KIF16B: variants seen among roughly 807,000 people sequenced by gnomAD.
KIF16B encodes kinesin-like protein KIF16B.
KIF16B carries 98 observed loss-of-function variants against 156.3 expected under a neutral mutation model. The observed-to-expected ratio is 0.63, with a 90% CI of 0.53 to 0.74. The LOEUF is 0.74. Among genes scored for constraint, KIF16B ranks in the 30% least tolerant of loss-of-function variants. KIF16B has a pLI of 0.00. For synonymous variants in KIF16B, 564 were observed against 583.7 expected, an observed-to-expected ratio of 0.97 and a Z score of 0.49; for missense variants, 1,421 against 1,606.5, an observed-to-expected ratio of 0.88 and a Z score of 1.97.
chr20:16,444,347 A>G (rs1340110303), intron 12 of KIF16B, among the ~76,000 whole-genome samples: 1 of 152,014 alleles, frequency 6.6e-6, no homozygotes, highest in Admixed American at 6.6e-5. Flanking sequence ...GAATGCTAAG[A>G]GTGATTTTTA....
chr20:16,315,005 G>T (rs911074931), intron 24 of KIF16B, among the ~76,000 whole-genome samples: 14 of 152,118 alleles, frequency 9.2e-5, no homozygotes, highest in African/African-American at 3.4e-4. Context: ...TTTCACAGTT[G>T]GTTGTTTTGT....
chr20:16,456,117 C>T (rs999833745), intron 12 of KIF16B, among the ~76,000 whole-genome samples: 4 of 151,184 alleles, frequency 2.6e-5, no homozygotes, highest in African/African-American at 9.8e-5. Context: ...CAATACAATA[C>T]AATACAATAC....
intron 25 of KIF16B, among the ~76,000 whole-genome samples, chr20:16,294,928 CTTTGT>C (rs1392145948): frequency 6.6e-6 from 1 of 152,160 alleles, no homozygotes; most frequent in Admixed American, 6.5e-5. Flanking sequence ...GCCTCAGCTG[CTTTGT>C]TTCCACCTGG....
At chr20:16,388,429 CTTTAT>C (rs1306498048) in intron 17 of KIF16B, among the ~76,000 whole-genome samples, 1 of 152,110 alleles carries the variant, frequency 6.6e-6, no homozygotes, top group Non-Finnish European at 1.5e-5. Context: ...TTGAAGGTGG[CTTTAT>C]TTTAAATATG....
intron 22 of KIF16B, among the ~76,000 whole-genome samples, chr20:16,360,547 A>C (rs896544182): frequency 5.3e-5 from 8 of 152,190 alleles, no homozygotes; most frequent in Admixed American, 5.2e-4. Flanking sequence ...GAAATAGTAT[A>C]AGCAATTTTA....
chr20:16,496,664 G>A (rs1464357615), intron 11 of KIF16B, among the ~76,000 whole-genome samples: 1 of 152,104 alleles, frequency 6.6e-6, no homozygotes, highest in Non-Finnish European at 1.5e-5. Flanking sequence ...TGGTATTCAT[G>A]AAAACTATTG....
At chr20:16,354,425 C>T (rs887828724) in intron 23 of KIF16B, among the ~76,000 whole-genome samples, 21 of 150,536 alleles carry the variant, frequency 1.4e-4, no homozygotes, top group South Asian at 4.2e-4. Flanking sequence ...ACACAACTTC[C>T]GAAATTGTTT....
chr20:16,501,665 AG>A (rs2068630323), intron 10 of KIF16B, among the ~76,000 whole-genome samples: 1 of 152,206 alleles, frequency 6.6e-6, no homozygotes, highest in South Asian at 2.1e-4. Context: ...CTTTGCAGTG[AG>A]GATAAATGGA....
At chr20:16,474,586 A>C (rs1193643505) in intron 12 of KIF16B, among the ~76,000 whole-genome samples, 1 of 152,212 alleles carries the variant, frequency 6.6e-6, no homozygotes, top group African/African-American at 2.4e-5. Flanking sequence ...TATAAATAGA[A>C]GTTGCTGAGC....
chr20:16,415,359 A>G (rs1280124743), intron 15 of KIF16B, among the ~76,000 whole-genome samples: 1 of 152,140 alleles, frequency 6.6e-6, no homozygotes, highest in Non-Finnish European at 1.5e-5. Flanking sequence ...CACAGTGTCA[A>G]TATCCTATTG....
intron 24 of KIF16B, among the ~76,000 whole-genome samples, chr20:16,330,373 G>A (rs2063926655): frequency 2.0e-5 from 3 of 152,172 alleles, no homozygotes; most frequent in Admixed American, 2.0e-4. Flanking sequence ...TGATGGTTAA[G>A]GAATTCTTAA....
chr20:16,402,740 A>G (rs1301332445), intron 17 of KIF16B, among the ~76,000 whole-genome samples: 3 of 151,480 alleles, frequency 2.0e-5, no homozygotes, highest in Non-Finnish European at 2.9e-5. Flanking sequence ...TCCAGAGATG[A>G]GCACAGACAG....
intron 25 of KIF16B, among the ~76,000 whole-genome samples, chr20:16,303,176 T>C (rs6080215): frequency 1.3e-5 from 2 of 152,108 alleles, no homozygotes; most frequent in African/African-American, 2.4e-5. Flanking sequence ...CCATTACAAC[T>C]ATATAAGATG....
chr20:16,308,619 G>A (rs548761424), intron 25 of KIF16B, among the ~76,000 whole-genome samples: 2 of 152,314 alleles, frequency 1.3e-5, no homozygotes, highest in East Asian at 3.9e-4. Context: ...TGAAGATAAT[G>A]GCAGAACTCA....
intron 1 of KIF16B, among the ~76,000 whole-genome samples, chr20:16,554,996 G>A (rs2070795537): frequency 6.6e-6 from 1 of 152,234 alleles, no homozygotes; most frequent in African/African-American, 2.4e-5. Flanking sequence ...GCCCTTGGCA[G>A]GCATGGGATC....
chr20:16,409,995 AGG>A (rs1372548274), intron 15 of KIF16B, among the ~76,000 whole-genome samples: 4 of 106,934 alleles, frequency 3.7e-5, no homozygotes, highest in Non-Finnish European at 5.5e-5. Context: ...ATATATATGT[AGG>A]TACATATATA....
At chr20:16,432,419 T>A (rs2066526521) in intron 12 of KIF16B, among the ~76,000 whole-genome samples, 1 of 152,138 alleles carries the variant, frequency 6.6e-6, no homozygotes, top group Non-Finnish European at 1.5e-5. Context: ...CACACCTCTG[T>A]AACTCCAACA....
At chr20:16,374,475 G>C (rs6111082) in intron 19 of KIF16B, 66 bp from the exon 20 acceptor site, 1 of 1,402,938 alleles carries the variant, frequency 7.1e-7, no homozygotes. Context: ...TACTGTGTGA[G>C]ACATTGCTTT....
chr20:16,409,213 A>C (rs2065860496), intron 15 of KIF16B, among the ~76,000 whole-genome samples: 1 of 152,064 alleles, frequency 6.6e-6, no homozygotes, highest in Non-Finnish European at 1.5e-5. Flanking sequence ...CTCTGAGAAC[A>C]AGTTGGGAGA....
Sources: allele counts gnomAD v4.1 joint callset (sites outside exome capture counted in the v4.1 genomes callset), GRCh38; gene constraint gnomAD v4.1.1; transcripts MANE v1.5; gene names NCBI Gene and HGNC (gene_info 2026-07-23, HGNC 2026-07-21).